PTGR2: variants seen among roughly 807,000 people sequenced by gnomAD.
PTGR2 encodes the protein 15-oxoprostaglandin 13-reductase.
PTGR2 carries 32 observed loss-of-function variants against 43.4 expected under a neutral mutation model. The ratio of observed to expected loss-of-function variants is 0.74; its 90% CI spans 0.56 to 0.99. PTGR2 has a LOEUF of 0.99. Ranked by LOEUF, PTGR2 falls within the 50% of genes least tolerant of loss-of-function variation. PTGR2 has a pLI of 0.00. For synonymous variants in PTGR2, 106 were observed against 139.2 expected (o/e 0.76, Z 1.68); for missense variants, 373 against 420.0 (o/e 0.89, Z 0.98).
intron 3 of PTGR2, among the ~76,000 whole-genome samples, chr14:73,862,261 G>A (rs879887383): frequency 3.3e-5 from 5 of 151,934 alleles, no homozygotes; most frequent in Non-Finnish European, 5.9e-5. Context: ...AGGCTGGAGT[G>A]CAGTGGCGCG....
intron 4 of PTGR2, among the ~76,000 whole-genome samples, chr14:73,875,236 G>A (rs1281436482): frequency 1.3e-5 from 2 of 151,858 alleles, no homozygotes; most frequent in African/African-American, 2.4e-5. Flanking sequence ...GGCCTCAACC[G>A]ATCCTCCCGC....
At position 73,880,114 on chromosome 14, in the gene PTGR2, G is replaced by A; in HGVS notation, c.789G>A (p.Val263=). Residue 263 remains valine (V), a synonymous_variant, in exon 7 of 10, where the codon GTG becomes GTA. Transcript: ENST00000555661. ...CGQISQYNKD[V]PYPPPLSPAI... ...AAATTTCTCAGTACAACAAAGATGT[G>A]CCTTATCCTCCCCCGCTATCCCCTG... 6.2e-7 allele frequency: 1 copy of A among 1,613,880 alleles called. No homozygotes were observed. Among genetic ancestry groups the A allele is most frequent in the Non-Finnish European group, 8.5e-7 (1 of 1,179,858 alleles).
chr14:73,852,015 A>C (rs1244632627), intron 1 of PTGR2, 72 bp downstream of exon 1: 1 of 152,206 alleles, frequency 6.6e-6, no homozygotes, highest in Non-Finnish European at 1.5e-5. Context: ...GTGAGGAAGA[A>C]GACTCTCAAC....
At position 73,881,218 on chromosome 14, in the gene PTGR2, G is replaced by A; in HGVS notation, c.865G>A (p.Val289Ile). Residue 289 changes from valine to isoleucine, a missense_variant, in exon 8 of 10, where the codon GTA becomes ATA. Val to Ile is a conservative substitution (Grantham distance 29). Coordinates refer to ENST00000555661, the MANE Select transcript of PTGR2 (RefSeq NM_001146154.2). ...ERNITRERFL[V>I]LNYKDKFEPG... ...TCCTCACTGCAGGGAAAGATTTCTG[G>A]TATTAAATTATAAAGACAAATTTGA... 6.2e-7 allele frequency: 1 copy of A among 1,602,868 alleles called. No homozygotes were observed. Among genetic ancestry groups the A allele is most frequent in the Non-Finnish European group, 8.5e-7 (1 of 1,170,188 alleles).
rs2054286732 is a variant in PTGR2, at chr14:73,853,933, C to T, written c.-48+1990C>T. ...GTCTGTTATTATTTTGGAATATTAGCACCAAGTAGGAATAGTATCCCAGGC... is the reference window on the plus strand; with the variant it reads ...GTCTGTTATTATTTTGGAATATTAGTACCAAGTAGGAATAGTATCCCAGGC... On this transcript the variant is annotated intron_variant, in intron 1 of 9. Coordinates refer to ENST00000555661, the MANE Select transcript of PTGR2 (RefSeq NM_001146154.2). Among the ~76,000 whole-genome samples, 3 of 152,080 alleles carry T rather than the reference C, an allele frequency of 2.0e-5. No homozygotes were observed. In the South Asian group the frequency reaches 6.2e-4, roughly 31 times the overall value.
intron 3 of PTGR2, among the ~76,000 whole-genome samples, chr14:73,870,193 CTT>C (rs34746463): frequency 3.8e-4 from 49 of 127,560 alleles, no homozygotes; most frequent in East Asian, 1.2e-3. Flanking sequence ...CTTAAGCAAC[CTT>C]TTTTTTTTTT....
intron 9 of PTGR2, among the ~76,000 whole-genome samples, chr14:73,882,996 TTTTTAG>T: frequency 6.6e-6 from 1 of 150,550 alleles, no homozygotes; most frequent in South Asian, 2.1e-4. Flanking sequence ...AATTTTTGTA[TTTTTAG>T]TAGAGACAGG....
intron 8 of PTGR2, among the ~76,000 whole-genome samples, chr14:73,882,193 T>C (rs1485564797): frequency 6.6e-6 from 1 of 152,156 alleles, no homozygotes; most frequent in Admixed American, 6.5e-5. Context: ...CTGTTACTAA[T>C]TGAAGAGATT....
At chr14:73,866,649 C>G (rs1201417425) in intron 3 of PTGR2, among the ~76,000 whole-genome samples, 3 of 152,054 alleles carry the variant, frequency 2.0e-5, no homozygotes, top group African/African-American at 7.2e-5. Flanking sequence ...GTCTAAATAG[C>G]TGGTTGAACG....
intron 3 of PTGR2, among the ~76,000 whole-genome samples, chr14:73,862,338 GCCAGGACT>G (rs1459061625): frequency 6.6e-6 from 1 of 152,010 alleles, no homozygotes; most frequent in Admixed American, 6.6e-5. Flanking sequence ...CACCCGAGCA[GCCAGGACT>G]ACAGGCAACC....
intron 3 of PTGR2, among the ~76,000 whole-genome samples, chr14:73,862,093 G>A (rs1342580329): frequency 6.6e-6 from 1 of 151,610 alleles, no homozygotes; most frequent in African/African-American, 2.4e-5. Flanking sequence ...TGGCCAGCCT[G>A]GTGTCAAACT....
rs375093472 is a variant in PTGR2, at chr14:73,870,609, G to A, written c.157-3414G>A. Among the ~76,000 whole-genome samples, 29 of 152,088 alleles carry A rather than the reference G, an allele frequency of 1.9e-4. No homozygotes were observed. In the East Asian group the frequency reaches 3.1e-3, roughly 16 times the overall value. On this transcript the variant is annotated intron_variant, in intron 3 of 9. Transcript: ENST00000555661. ...AGTATTTTACATGATTATCCTTAAT[G>A]TGCATATACAACTTGGCTTTCATAT...
chr14:73,881,772 CTTTTTTTTTTTTTTTTTT>C (rs57377878), intron 8 of PTGR2, among the ~76,000 whole-genome samples: 5 of 69,264 alleles, frequency 7.2e-5, no homozygotes, highest in Non-Finnish European at 9.7e-5. Context: ...CTAGGCTATT[CTTTTTTTTTTTTTTTTTT>C]TTTTTTTTTT....
At chr14:73,869,427 C>CGGGAGGATCACTTGAGCCCGGGAGGT (rs1566638277) in intron 3 of PTGR2, among the ~76,000 whole-genome samples, 1 of 151,192 alleles carries the variant, frequency 6.6e-6, no homozygotes, top group African/African-American at 2.4e-5. Context: ...GAGGCTGAGG[C>CGGGAGGATCACTTGAGCCCGGGAGGT]GGGAGGATCA....
At chr14:73,864,552 C>G (rs1023086478) in intron 3 of PTGR2, among the ~76,000 whole-genome samples, 2 of 152,148 alleles carry the variant, frequency 1.3e-5, no homozygotes, top group African/African-American at 4.8e-5. Flanking sequence ...TAATGTTGAG[C>G]ATGTTTTTAA....
chr14:73,872,227 G>A (rs985466842), intron 3 of PTGR2, among the ~76,000 whole-genome samples: 3 of 152,164 alleles, frequency 2.0e-5, no homozygotes, highest in African/African-American at 7.2e-5. Flanking sequence ...GGTGAAGAGA[G>A]CACTTATCTG....
At chr14:73,854,467 T>C (rs1278182036) in intron 1 of PTGR2, among the ~76,000 whole-genome samples, 2 of 152,234 alleles carry the variant, frequency 1.3e-5, no homozygotes, top group Non-Finnish European at 2.9e-5. Context: ...AATTATCCTA[T>C]ATTAATTGTA....
At chr14:73,879,645 T>TTGCTTAGAGA (rs11281736) in intron 6 of PTGR2, 2 of 299,708 alleles carry the variant, frequency 6.7e-6, no homozygotes, top group Non-Finnish European at 1.2e-5. Context: ...GCCCCAGACC[T>TTGCTTAGAGA]ATGGGTTTCA....
At chr14:73,854,156 G>C (rs917428678) in intron 1 of PTGR2, among the ~76,000 whole-genome samples, 1 of 152,068 alleles carries the variant, frequency 6.6e-6, no homozygotes, top group African/African-American at 2.4e-5. Context: ...AGGCTTGAGT[G>C]CAATGGATCA....
Sources: allele counts gnomAD v4.1 joint callset (sites outside exome capture counted in the v4.1 genomes callset), GRCh38; gene constraint gnomAD v4.1.1; transcripts MANE v1.5; gene names NCBI Gene and HGNC (gene_info 2026-07-23, HGNC 2026-07-21).